KANSL1: variants seen among roughly 807,000 people sequenced by gnomAD.
KANSL1 encodes MLL1/MLL complex subunit KANSL1.
In KANSL1, 22 loss-of-function variants were observed where a neutral mutation model predicts 103.6. The observed-to-expected ratio is 0.21, with a 90% CI of 0.15 to 0.30. The LOEUF (loss-of-function observed/expected upper bound fraction) is 0.30, where lower values mean the gene tolerates loss of function less well. Among genes scored for constraint, KANSL1 ranks in the 10% least tolerant of loss-of-function variants. The pLI, the probability that KANSL1 is intolerant of heterozygous loss-of-function variation, is 1.00. For missense variants in KANSL1, 1,337 were observed against 1,399.8 expected, an observed-to-expected ratio of 0.96 and a Z score of 0.72; for synonymous variants, 600 against 527.6, an observed-to-expected ratio of 1.14 and a Z score of -1.88.
chr17:46,104,854 C>T (rs1020684443), intron 2 of KANSL1, among the ~76,000 whole-genome samples: 13 of 151,916 alleles, frequency 8.6e-5, no homozygotes, highest in African/African-American at 3.1e-4. Context: ...TTGTTCTTAT[C>T]GCCTAGGCTG....
At chr17:46,141,728 C>T (rs1477418751) in intron 2 of KANSL1, among the ~76,000 whole-genome samples, 5 of 152,168 alleles carry the variant, frequency 3.3e-5, no homozygotes, top group African/African-American at 1.2e-4. Context: ...ACAAGTTAAC[C>T]TGTATGTCTT....
At chr17:46,093,820 C>G (rs1457943701) in intron 3 of KANSL1, 7 of 152,200 alleles carry the variant, frequency 4.6e-5, no homozygotes, top group Non-Finnish European at 1.0e-4. Flanking sequence ...AAATACTTTG[C>G]AAGAATGTAA....
intron 2 of KANSL1, among the ~76,000 whole-genome samples, chr17:46,130,339 G>A (rs2043802820): frequency 1.3e-5 from 2 of 152,160 alleles, no homozygotes; most frequent in Admixed American, 1.3e-4. Context: ...TGAATGTGCA[G>A]CCCAAGTTGA....
At chr17:46,152,581 A>G (rs1345694290) in intron 2 of KANSL1, among the ~76,000 whole-genome samples, 14 of 111,254 alleles carry the variant, frequency 1.3e-4, no homozygotes, top group Non-Finnish European at 1.9e-4. Context: ...AATAGACACA[A>G]AGGGGGGGGG....
intron 6 of KANSL1, 56 bp downstream of exon 6, chr17:46,066,479 ACT>A (rs1173618268): frequency 9.0e-5 from 131 of 1,456,256 alleles, no homozygotes; most frequent in Non-Finnish European, 1.1e-4. Flanking sequence ...CAAGAGACTA[ACT>A]CTATCTGAGC....
At chr17:46,098,640 T>C (rs2042179301) in intron 2 of KANSL1, among the ~76,000 whole-genome samples, 1 of 152,240 alleles carries the variant, frequency 6.6e-6, no homozygotes. Flanking sequence ...GTTAATAAAC[T>C]AATTAAAGAA....
chr17:46,154,754 G>C (rs1271353837), intron 2 of KANSL1, among the ~76,000 whole-genome samples: 2 of 152,214 alleles, frequency 1.3e-5, no homozygotes, highest in Non-Finnish European at 2.9e-5. Context: ...GAGAGGGTGT[G>C]GTGGGGGGAA....
chr17:46,133,632 T>C (rs2043977013), intron 2 of KANSL1, among the ~76,000 whole-genome samples: 1 of 152,246 alleles, frequency 6.6e-6, no homozygotes, highest in South Asian at 2.1e-4. Flanking sequence ...CCTCCAGATT[T>C]ATAAAAGCTC....
chr17:46,033,338 T>C, intron 12 of KANSL1, 65 bp downstream of exon 12: 1 of 1,528,444 alleles, frequency 6.5e-7, no homozygotes, highest in Non-Finnish European at 9.1e-7. Flanking sequence ...TTAGGGTGTG[T>C]GCACTCATAT....
chr17:46,062,122 A>AC (rs1568403477), intron 6 of KANSL1, among the ~76,000 whole-genome samples: 11 of 81,088 alleles, frequency 1.4e-4, no homozygotes, highest in Admixed American at 3.5e-4. Flanking sequence ...AACAAACAAA[A>AC]AAAAAAAAAA....
intron 1 of KANSL1, among the ~76,000 whole-genome samples, chr17:46,218,217 A>C (rs372118217): frequency 6.6e-6 from 1 of 152,254 alleles, no homozygotes; most frequent in Non-Finnish European, 1.5e-5. Flanking sequence ...CACTCAGCAT[A>C]TGTCACTCTG....
At chr17:46,083,326 C>A (rs1308871882) in intron 3 of KANSL1, among the ~76,000 whole-genome samples, 8 of 152,062 alleles carry the variant, frequency 5.3e-5, no homozygotes, top group Admixed American at 4.6e-4. Flanking sequence ...CACTATATAA[C>A]CGAAAGACTG....
At chr17:46,048,908 C>G (rs1401530177) in intron 7 of KANSL1, among the ~76,000 whole-genome samples, 1 of 151,988 alleles carries the variant, frequency 6.6e-6, no homozygotes, top group Non-Finnish European at 1.5e-5. Flanking sequence ...ACTTATTTAG[C>G]TAATCAGACT....
At chr17:46,185,173 T>C (rs530243526) in intron 1 of KANSL1, among the ~76,000 whole-genome samples, 4 of 152,346 alleles carry the variant, frequency 2.6e-5, no homozygotes, top group African/African-American at 9.6e-5. Context: ...GTTTTATCTC[T>C]GTCCCCTACA....
chr17:46,170,314 T>C (rs969834901), intron 2 of KANSL1: 1 of 153,656 alleles, frequency 6.5e-6, no homozygotes, highest in Non-Finnish European at 1.4e-5. Flanking sequence ...TTGGAGGCGA[T>C]GTATTAAATA....
chr17:46,172,041 C>A lies in KANSL1; in HGVS notation c.103G>T (p.Glu35Ter). 1 of 1,614,210 alleles carries A rather than the reference C, an allele frequency of 6.2e-7. No individual in the cohort carries two copies. The highest frequency in any genetic ancestry group is 1.1e-5 in the South Asian group (1 of 91,086). ...AGGATGTTGGCGTTGCCGTTATTTT[C>A]GGCACTGCCAGGGGACAAGGTAGAG... Reference protein sequence around the residue: ...PSSTLSPGSAENNGNANILIA... With the variant: ...PSSTLSPGSA Residue 35 changes from glutamate to a stop codon, truncating the protein, a stop_gained, in exon 2 of 15, where the codon GAA becomes TAA. Transcript: ENST00000432791. LOFTEE classifies it high-confidence loss of function.
At chr17:46,051,816 G>A (rs930848513) in intron 6 of KANSL1, among the ~76,000 whole-genome samples, 3 of 152,200 alleles carry the variant, frequency 2.0e-5, no homozygotes, top group Non-Finnish European at 4.4e-5. Context: ...AGCCTTTTAT[G>A]GATTTGTGTA....
chr17:46,196,235 C>T, upstream of KANSL1: 1 of 440,112 alleles, frequency 2.3e-6, no homozygotes, highest in Middle Eastern at 3.8e-4. Flanking sequence ...GAGACCATCT[C>T]AAAATGAAAA....
At chr17:46,113,110 G>C (rs537940098) in intron 2 of KANSL1, among the ~76,000 whole-genome samples, 1 of 152,204 alleles carries the variant, frequency 6.6e-6, no homozygotes, top group Admixed American at 6.5e-5. Context: ...ATTTTTTGTT[G>C]TCACAACTGG....
Sources: gnomAD v4.1 joint callset for allele counts (sites outside exome capture counted in the v4.1 genomes callset) on GRCh38, gnomAD v4.1.1 for gene constraint, MANE v1.5 for transcripts, NCBI Gene and HGNC (gene_info 2026-07-23, HGNC 2026-07-21) for gene names.